The following RAD51C variants were observed in gnomAD, a reference collection of about 807,000 sequenced individuals.
The protein encoded by RAD51C is RAD51 paralog C.
In RAD51C, 42 loss-of-function variants were observed where a neutral mutation model predicts 45.0. That is an observed-to-expected ratio of 0.93 (90% CI 0.73 to 1.21). The LOEUF (loss-of-function observed/expected upper bound fraction) is 1.21. Ranked by LOEUF, RAD51C falls within the 50% of genes most tolerant of loss-of-function variation. RAD51C has a pLI of 0.00. For missense variants in RAD51C, 474 were observed against 452.2 expected, an observed-to-expected ratio of 1.05 and a Z score of -0.44; for synonymous variants, 172 against 159.8, an observed-to-expected ratio of 1.08 and a Z score of -0.58.
intron 5 of RAD51C, among the ~76,000 whole-genome samples, chr17:58,710,878 A>G (rs1308270744): frequency 6.6e-6 from 1 of 152,140 alleles, no homozygotes; most frequent in Admixed American, 6.6e-5. Context: ...ACTGACACAA[A>G]TACACACATT....
intron 4 of RAD51C, among the ~76,000 whole-genome samples, chr17:58,704,686 T>C (rs2143815150): frequency 6.6e-6 from 1 of 152,208 alleles, no homozygotes; most frequent in Non-Finnish European, 1.5e-5. Flanking sequence ...GTGATACCCC[T>C]ATTAGAATAG....
intron 7 of RAD51C, among the ~76,000 whole-genome samples, chr17:58,726,275 G>T (rs1260876221): frequency 6.6e-6 from 1 of 150,818 alleles, no homozygotes; most frequent in Non-Finnish European, 1.5e-5. Context: ...GAAAACCAAG[G>T]CCCAGAAAGG....
At chr17:58,704,516 A>G (rs1484533316) in intron 4 of RAD51C, among the ~76,000 whole-genome samples, 1 of 151,462 alleles carries the variant, frequency 6.6e-6, no homozygotes, top group Non-Finnish European at 1.5e-5. Flanking sequence ...CTGGCCTGCC[A>G]TTAGTAAGAA....
intron 7 of RAD51C, among the ~76,000 whole-genome samples, chr17:58,729,583 GT>G (rs2049327450): frequency 6.6e-6 from 1 of 151,074 alleles, no homozygotes; most frequent in Admixed American, 6.6e-5. Flanking sequence ...GTTTTGTTTT[GT>G]TTTTTGAGAT....
At chr17:58,720,417 A>C (rs570211452) in intron 5 of RAD51C, among the ~76,000 whole-genome samples, 1 of 141,268 alleles carries the variant, frequency 7.1e-6, no homozygotes, top group East Asian at 2.0e-4. Flanking sequence ...CTCTGTCTCA[A>C]AAAAAAAAAT....
chr17:58,719,584 G>A (rs149306392), intron 5 of RAD51C, among the ~76,000 whole-genome samples: 4 of 152,154 alleles, frequency 2.6e-5, no homozygotes, highest in African/African-American at 9.6e-5. Flanking sequence ...AGAGGCTGAG[G>A]TGGGAGGATC....
chr17:58,718,323 A>C (rs2048808918), intron 5 of RAD51C, among the ~76,000 whole-genome samples: 2 of 151,920 alleles, frequency 1.3e-5, no homozygotes, highest in South Asian at 4.2e-4. Context: ...TTACATAAAA[A>C]ACTCATTTTC....
At chr17:58,699,402 C>A (rs2048134503) in intron 3 of RAD51C, among the ~76,000 whole-genome samples, 1 of 151,346 alleles carries the variant, frequency 6.6e-6, no homozygotes, top group Non-Finnish European at 1.5e-5. Flanking sequence ...CATAAGATTT[C>A]CTTTAAATGA....
At position 58,692,603 on chromosome 17, in the gene RAD51C, T is replaced by A. The variant is rs373116323; in HGVS notation, c.-41T>A. 1.2e-6 allele frequency: 2 copies of A among 1,612,108 alleles called. No homozygotes were observed. The highest frequency in any genetic ancestry group is 1.3e-5 in the African/African-American group (1 of 74,856). On this transcript the variant is annotated 5_prime_UTR_variant, in exon 1 of 9. Transcript: ENST00000337432. ...CACGCCGCACGCCCCAGCGAGGGCG[T>A]GCGGAGTTTGGCTGCTCCGGGGTTA... is the stretch of plus-strand genomic sequence containing the variant.
intron 3 of RAD51C, among the ~76,000 whole-genome samples, chr17:58,701,548 C>G (rs1010957456): frequency 2.7e-5 from 4 of 150,786 alleles, no homozygotes; most frequent in African/African-American, 9.7e-5. Flanking sequence ...TGATTGGTTT[C>G]TCTCTGAAAT....
chr17:58,694,671 C>G (rs1210194752), intron 1 of RAD51C: 1 of 433,420 alleles, frequency 2.3e-6, no homozygotes, highest in Non-Finnish European at 4.3e-6. Context: ...GACGGAGTTT[C>G]ACCATGTTGG....
At chr17:58,702,614 G>A (rs1024889948) in intron 3 of RAD51C, among the ~76,000 whole-genome samples, 3 of 151,748 alleles carry the variant, frequency 2.0e-5, no homozygotes, top group Non-Finnish European at 4.4e-5. Context: ...AGTCGCTTGA[G>A]CCCAGGAGGC....
intron 3 of RAD51C, among the ~76,000 whole-genome samples, chr17:58,697,339 C>T (rs1477807069): frequency 6.6e-6 from 1 of 152,036 alleles, no homozygotes; most frequent in East Asian, 1.9e-4. Flanking sequence ...AGTTCAAGAC[C>T]AGCCTGGCCA....
rs2049592547 is a variant in RAD51C, at chr17:58,735,396, T to A, written c.*1174T>A. Reference sequence around the variant, plus strand: ...TTTTTTTGTAGAGACAAGGTCTCACTATGTTGCCCAGGCTGGTCTCAAACT... The same window carrying A: ...TTTTTTTGTAGAGACAAGGTCTCACAATGTTGCCCAGGCTGGTCTCAAACT... On this transcript the variant is annotated 3_prime_UTR_variant, in exon 9 of 9. Transcript: ENST00000337432. The A allele has an allele frequency of 6.6e-6, 1 of 152,078 alleles. No homozygotes were observed. Among genetic ancestry groups the A allele is most frequent in the Middle Eastern group, 3.1e-3 (1 of 320 alleles). 9.4% of individuals were successfully genotyped at this position (152,078 alleles called of 1,614,324 possible).
intron 5 of RAD51C, 42 bp downstream of exon 5, chr17:58,710,032 G>T: frequency 6.4e-7 from 1 of 1,568,764 alleles, no homozygotes. Context: ...ACAAAGTCAA[G>T]ACTGTATAAA....
rs2143961955 is a variant in RAD51C at position 58,724,062 on chromosome 17, T to C, written c.927T>C (p.Ala309=). Residue 309 remains alanine (A), a synonymous_variant, in exon 7 of 9, where the codon GCT becomes GCC. Transcript: ENST00000337432. The stretch of plus-strand genomic sequence containing the variant: ...CAGGGGAAAGTTGGGGACATGCTGC[T>C]ACAATACGGCTAATCTTTCATTGGG... ...PALGESWGHA[A]TIRLIFHWDR... The C allele has an allele frequency of 1.2e-6, 2 of 1,613,392 alleles. No individual in the cohort carries two copies. The highest frequency in any genetic ancestry group is 1.7e-6 in the Non-Finnish European group (2 of 1,179,362).
chr17:58,696,495 A>T (rs1282350201), intron 2 of RAD51C, among the ~76,000 whole-genome samples, 198 bp from the exon 3 acceptor site: 1 of 152,244 alleles, frequency 6.6e-6, no homozygotes, highest in African/African-American at 2.4e-5. Context: ...GCCCTCCCCG[A>T]ATCCAGTTGA....
At chr17:58,697,744 C>G (rs895863328) in intron 3 of RAD51C, among the ~76,000 whole-genome samples, 1 of 150,896 alleles carries the variant, frequency 6.6e-6, no homozygotes, top group Non-Finnish European at 1.5e-5. Flanking sequence ...CAAAGTTTCG[C>G]TTTTGCTGCC....
chr17:58,696,571 T>C (rs2048016658), intron 2 of RAD51C, 122 bp from the exon 3 acceptor site: 1 of 1,144,386 alleles, frequency 8.7e-7, no homozygotes, highest in Non-Finnish European at 1.3e-6. Flanking sequence ...TTCTGTTGCC[T>C]TGGGGAGTAT....
Sources: allele counts gnomAD v4.1 joint callset (sites outside exome capture counted in the v4.1 genomes callset), GRCh38; gene constraint gnomAD v4.1.1; transcripts MANE v1.5; gene names NCBI Gene and HGNC (gene_info 2026-07-23, HGNC 2026-07-21).